Variants in GLO1 observed in about 807,000 individuals in gnomAD.
GLO1 encodes the protein lactoylglutathione lyase.
GLO1 carries 28 observed loss-of-function variants against 26.0 expected under a neutral mutation model. The observed-to-expected ratio is 1.08, with a 90% CI of 0.80 to 1.48. The LOEUF (loss-of-function observed/expected upper bound fraction) is 1.48, where lower values mean the gene tolerates loss of function less well. GLO1 is among the 40% of genes most tolerant of loss of function. The pLI, the probability that GLO1 is intolerant of heterozygous loss-of-function variation, is 0.00. For synonymous variants in GLO1, 78 were observed against 77.6 expected (o/e 1.00, Z -0.03); for missense variants, 225 against 224.8 (o/e 1.00, Z -0.01).
At chr6:38,678,380 GAGGA>G (rs1263138663) in intron 5 of GLO1, among the ~76,000 whole-genome samples, 11 of 62,978 alleles carry the variant, frequency 1.7e-4, no homozygotes, top group East Asian at 3.5e-4. Context: ...GAGGGAGAGA[GAGGA>G]AGGAAGGAAG....
chr6:38,702,971 C>G lies in GLO1; in HGVS notation c.84G>C (p.Lys28Asn). 1.3e-6 allele frequency: 2 copies of G among 1,545,572 alleles called. No individual in the cohort carries two copies. The highest frequency in any genetic ancestry group is 1.8e-6 in the Non-Finnish European group (2 of 1,121,746). ...CCGTTCCCTTCGGTCCTGTGCCCACCTTGGTACTGGGGTCCGCGTCGGAGC... is the reference window on the plus strand; with the variant it reads ...CCGTTCCCTTCGGTCCTGTGCCCACGTTGGTACTGGGGTCCGCGTCGGAGC... ...SCCSDADPST[K>N]DFLLQQTMLR... The change falls in exon 1 of 6, where the codon AAG becomes AAC. Residue 28 changes from lysine to asparagine, a missense_variant and splice_region_variant. Transcript: ENST00000373365.
Position 38,691,228 on chromosome 6 carries a change from G to A in GLO1, c.85-4254C>T, listed in dbSNP as rs144611188. On this transcript the variant is annotated intron_variant, in intron 1 of 5. Coordinates refer to ENST00000373365, the MANE Select transcript of GLO1 (RefSeq NM_006708.3). ...TTGCTCCTGTGCCTTATCAAAAGGT[G>A]GACAATAGAAATAATAAGGTTTTTT... 6.2e-4 allele frequency among the ~76,000 whole-genome samples: 95 copies of A among 152,100 alleles called. No homozygotes were observed. In the East Asian group the frequency reaches 0.018, roughly 29 times the overall value.
chr6:38,699,389 T>C (rs1243980350), intron 1 of GLO1, among the ~76,000 whole-genome samples: 1 of 152,028 alleles, frequency 6.6e-6, no homozygotes, highest in Admixed American at 6.6e-5. Context: ...TGTAAAACTG[T>C]GTTTGAACAA....
chr6:38,676,423 G>A lies in GLO1; in HGVS notation c.*872C>T, dbSNP rs1019022119. The stretch of plus-strand genomic sequence containing the variant: ...CCCTCACCACGGTACTCCAGCCCAA[G>A]AGCCAAGAGCACAATGGTCAAACTC... On this transcript the variant is annotated 3_prime_UTR_variant, in exon 6 of 6. Transcript: ENST00000373365. The A allele has an allele frequency of 6.6e-6, 1 of 152,122 alleles. No homozygotes were observed. Among genetic ancestry groups the A allele is most frequent in the Non-Finnish European group, 1.5e-5 (1 of 68,032 alleles). 9.4% of individuals were successfully genotyped at this position (152,122 alleles called of 1,614,324 possible).
chr6:38,697,598 A>G (rs1761631138), intron 1 of GLO1, among the ~76,000 whole-genome samples: 1 of 152,220 alleles, frequency 6.6e-6, no homozygotes, highest in South Asian at 2.1e-4. Context: ...CCCTCTCCAG[A>G]TGCAATTTAC....
chr6:38,700,964 G>A (rs2127549433), intron 1 of GLO1, among the ~76,000 whole-genome samples: 1 of 152,202 alleles, frequency 6.6e-6, no homozygotes, highest in African/African-American at 2.4e-5. Context: ...ATTTTTAGTA[G>A]AGCAGAGTTT....
At chr6:38,693,685 C>CTCTCTCTCTATA (rs869232489) in intron 1 of GLO1, among the ~76,000 whole-genome samples, 115 of 86,420 alleles carry the variant, frequency 1.3e-3, no homozygotes, top group African/African-American at 4.6e-3. Context: ...CTCTCTCTCT[C>CTCTCTCTCTATA]TATATATATA....
intron 1 of GLO1, 84 bp downstream of exon 1, chr6:38,702,887 G>C (rs1486863552): frequency 8.0e-6 from 6 of 752,498 alleles, no homozygotes; most frequent in Non-Finnish European, 1.4e-5. Context: ...ACCTGCAGCG[G>C]CGGCGGGATG....
In GLO1 at chr6:38,686,980, G is replaced by A. The variant is rs1398425362; in HGVS notation, c.85-6C>T. ...GTCTGCTGCAATAGAAAATCCTATG[G>A]AAAAATATTTATATTAAACATCTTT... On this transcript the variant is annotated splice_region_variant and splice_polypyrimidine_tract_variant and intron_variant, in intron 1 of 5. Transcript: ENST00000373365. 1.5e-5 allele frequency: 24 copies of A among 1,588,002 alleles called. No homozygotes were observed. Among genetic ancestry groups the A allele is most frequent in the Non-Finnish European group, 2.1e-5 (24 of 1,161,468 alleles).
chr6:38,698,825 G>C lies in GLO1; in HGVS notation c.84+4146C>G, dbSNP rs879618796. On this transcript the variant is annotated intron_variant, in intron 1 of 5. Coordinates refer to ENST00000373365, the MANE Select transcript of GLO1 (RefSeq NM_006708.3). ...AATGATCAAAAAACAAGTCGACTTTGTGCCATTGCTGCTGTCTTCTTTACA... is the reference window on the plus strand; with the variant it reads ...AATGATCAAAAAACAAGTCGACTTTCTGCCATTGCTGCTGTCTTCTTTACA... 4.4e-4 allele frequency among the ~76,000 whole-genome samples: 67 copies of C among 152,082 alleles called. 3 individuals carry two copies. The highest frequency in any genetic ancestry group is 4.4e-5 in the Non-Finnish European group (3 of 68,012).
chr6:38,693,868 G>T (rs757496297), intron 1 of GLO1, among the ~76,000 whole-genome samples: 1 of 151,814 alleles, frequency 6.6e-6, no homozygotes. Flanking sequence ...CCGCCACCAC[G>T]CCTGGCTAAT....
In GLO1 at chr6:38,692,022, C is replaced by T. The variant is rs1043378134; in HGVS notation, c.85-5048G>A. On this transcript the variant is annotated intron_variant, in intron 1 of 5. Transcript: ENST00000373365. The stretch of plus-strand genomic sequence containing the variant: ...GTAGAAAAATTCTTCCCACTTTATT[C>T]TTTTCCAAAATGGTTTGTTATTCTA... Among the ~76,000 whole-genome samples, 3 of 152,142 alleles carry T rather than the reference C, an allele frequency of 2.0e-5. No individual in the cohort carries two copies. The East Asian group carries it at 5.8e-4, about 29-fold the overall frequency.
In GLO1 at chr6:38,686,895, A is replaced by T; in HGVS notation, c.164T>A (p.Met55Lys). Residue 55 changes from methionine (M) to lysine (K), a missense_variant, in exon 2 of 6, where the codon ATG (methionine) becomes AAG (lysine). Transcript: ENST00000373365. The part of the protein sequence containing the change: ...SLDFYTRVLG[M>K]TLIQKCDFPI... Reference sequence around the variant, plus strand: ...TGCCAATAAGTACTTGACTTACGTCATTCCAAGAACTCTAGTATAAAAATC... The same window carrying T: ...TGCCAATAAGTACTTGACTTACGTCTTTCCAAGAACTCTAGTATAAAAATC... The T allele has an allele frequency of 6.5e-7, 1 of 1,539,516 alleles. No homozygotes were observed. Among genetic ancestry groups the T allele is most frequent in the East Asian group, 2.2e-5 (1 of 44,542 alleles).
chr6:38,693,950 T>C (rs1178097963), intron 1 of GLO1, among the ~76,000 whole-genome samples: 1 of 152,124 alleles, frequency 6.6e-6, no homozygotes, highest in African/African-American at 2.4e-5. Context: ...GACCTCGTGA[T>C]CCGCCTGCCT....
rs573325448 is a variant in GLO1 at position 38,702,087 on chromosome 6, C to T, written c.84+884G>A. 3.9e-5 allele frequency among the ~76,000 whole-genome samples: 6 copies of T among 152,206 alleles called. No individual in the cohort carries two copies. In the South Asian group the frequency reaches 1.0e-3, roughly 26 times the overall value. On this transcript the variant is annotated intron_variant, in intron 1 of 5. Transcript: ENST00000373365. The stretch of plus-strand genomic sequence containing the variant: ...CTGGGACTACAGGCACCCGCCACCA[C>T]GCCCAGCTCATTTTTTTGTATTTTT...
chr6:38,701,920 G>A (rs893530690), intron 1 of GLO1, among the ~76,000 whole-genome samples: 2 of 150,696 alleles, frequency 1.3e-5, no homozygotes, highest in East Asian at 2.0e-4. Context: ...AGCGGTTACT[G>A]TGCCTGAATT....
intron 3 of GLO1, 102 bp from the exon 4 acceptor site, chr6:38,682,977 C>T: frequency 1.4e-6 from 1 of 736,618 alleles, no homozygotes; most frequent in Admixed American, 2.0e-5. Context: ...TGCTACTTTA[C>T]ATAATTGGCC....
intron 2 of GLO1, among the ~76,000 whole-genome samples, chr6:38,685,884 GCCCTGCCATATGCCAACT>G (rs1368762857): frequency 2.0e-5 from 3 of 152,194 alleles, no homozygotes; most frequent in African/African-American, 7.2e-5. Flanking sequence ...ACAGGTTCCA[GCCCTGCCATATGCCAACT>G]GTGGGATTTG....
chr6:38,701,475 T>G (rs1001596859), intron 1 of GLO1, among the ~76,000 whole-genome samples: 4 of 152,214 alleles, frequency 2.6e-5, no homozygotes, highest in African/African-American at 9.7e-5. Context: ...ACTTAGTATA[T>G]TTTATAAAGA....
Sources: gnomAD v4.1 joint callset for allele counts (sites outside exome capture counted in the v4.1 genomes callset) on GRCh38, gnomAD v4.1.1 for gene constraint, MANE v1.5 for transcripts, NCBI Gene and HGNC (gene_info 2026-07-23, HGNC 2026-07-21) for gene names.